Variants in KPNA6 observed in about 807,000 individuals in gnomAD.
The protein encoded by KPNA6 is karyopherin subunit alpha 6, also known as importin subunit alpha-7.
In KPNA6, 9 loss-of-function variants were observed where a neutral mutation model predicts 72.0. The observed-to-expected ratio is 0.13, with a 90% CI of 0.08 to 0.22. The LOEUF is 0.22. Ranked by LOEUF, KPNA6 falls within the 10% of genes least tolerant of loss-of-function variation. The pLI, the probability that KPNA6 is intolerant of heterozygous loss-of-function variation, is 1.00. For missense variants in KPNA6, 374 were observed against 655.7 expected, an observed-to-expected ratio of 0.57 and a Z score of 4.69; for synonymous variants, 219 against 242.1, an observed-to-expected ratio of 0.90 and a Z score of 0.89.
intron 1 of KPNA6, among the ~76,000 whole-genome samples, chr1:32,136,057 T>TAGTAG (rs771592217): frequency 3.3e-5 from 5 of 152,294 alleles, no homozygotes; most frequent in Non-Finnish European, 7.3e-5. Context: ...GGCTCCAAAC[T>TAGTAG]AGTAGTCTGT....
At chr1:32,156,318 G>A (rs1253880831) in intron 2 of KPNA6, among the ~76,000 whole-genome samples, 3 of 151,406 alleles carry the variant, frequency 2.0e-5, no homozygotes, top group Non-Finnish European at 4.4e-5. Context: ...CATATACTAT[G>A]TTTTTTTTCA....
chr1:32,137,290 C>T (rs1641751534), intron 1 of KPNA6, among the ~76,000 whole-genome samples: 1 of 152,176 alleles, frequency 6.6e-6, no homozygotes, highest in Non-Finnish European at 1.5e-5. Flanking sequence ...CCTCCGAGCT[C>T]AGCCTCCCGA....
Position 32,167,304 on chromosome 1 carries a change from A to C in KPNA6, c.1244+8A>C. 1.2e-6 allele frequency: 2 copies of C among 1,613,888 alleles called. No homozygotes were observed. The highest frequency in any genetic ancestry group is 1.7e-6 in the Non-Finnish European group (2 of 1,179,874). On this transcript the variant is annotated splice_region_variant and intron_variant, in intron 12 of 13. Coordinates refer to ENST00000373625, the MANE Select transcript of KPNA6 (RefSeq NM_012316.5). ...AACCCCTGAGCAGATCAGGTATTAC[A>C]TTCCTTTCCCGTTGTCTTGAATGAT...
At chr1:32,160,975 G>A (rs1642227444) in intron 7 of KPNA6, among the ~76,000 whole-genome samples, 1 of 152,146 alleles carries the variant, frequency 6.6e-6, no homozygotes, top group Non-Finnish European at 1.5e-5. Flanking sequence ...GGGCAACATG[G>A]TGAAACCCCA....
At chr1:32,157,814 T>C (rs898934440) in intron 4 of KPNA6, among the ~76,000 whole-genome samples, 5 of 152,226 alleles carry the variant, frequency 3.3e-5, no homozygotes, top group African/African-American at 1.2e-4. Context: ...CTTTTGTTTT[T>C]GTTCCCTCCT....
chr1:32,174,203 ACCCTTGGTGTTG>A lies in KPNA6; in HGVS notation c.*3311_*3322del, dbSNP rs1326162495. ...CAGGTGTTGGCCTCAGTTTTCAGGG[ACCCTTGGTGTTG>A]CTCCTTACCTAGAGCCCATTAATCT... is the stretch of plus-strand genomic sequence containing the variant. On this transcript the variant is annotated 3_prime_UTR_variant, in exon 14 of 14. Transcript: ENST00000373625. 6.6e-6 allele frequency: 1 copy of A among 151,910 alleles called. No individual in the cohort carries two copies. Among genetic ancestry groups the A allele is most frequent in the Non-Finnish European group, 1.5e-5 (1 of 68,018 alleles). 9.4% of individuals were successfully genotyped at this position (151,910 alleles called of 1,614,324 possible).
intron 1 of KPNA6, among the ~76,000 whole-genome samples, chr1:32,119,014 A>ATTTTTTTT (rs1557457065): frequency 1.5e-5 from 1 of 67,628 alleles, no homozygotes; most frequent in Non-Finnish European, 2.5e-5. Context: ...ATATATATAT[A>ATTTTTTTT]TATATATATA....
chr1:32,119,032 A>ATAT (rs1167325052), intron 1 of KPNA6, among the ~76,000 whole-genome samples: 44 of 40,278 alleles, frequency 1.1e-3, no homozygotes, highest in African/African-American at 2.2e-3. Flanking sequence ...ATATATATAT[A>ATAT]TTTTTTTTTT....
intron 1 of KPNA6, among the ~76,000 whole-genome samples, chr1:32,133,313 C>T (rs1286884500): frequency 3.3e-5 from 5 of 151,618 alleles, no homozygotes; most frequent in African/African-American, 1.2e-4. Context: ...CACTGCACTG[C>T]AGCCTCGGTG....
At chr1:32,160,299 CAAAAA>C (rs535456428) in intron 6 of KPNA6, among the ~76,000 whole-genome samples, 4 of 77,366 alleles carry the variant, frequency 5.2e-5, no homozygotes, top group Admixed American at 3.8e-4. Context: ...GACTCCGTCT[CAAAAA>C]AAAAAAAAAA....
chr1:32,146,116 A>G (rs1293600330), intron 1 of KPNA6, among the ~76,000 whole-genome samples: 1 of 152,148 alleles, frequency 6.6e-6, no homozygotes, highest in Admixed American at 6.6e-5. Context: ...TCTTAGGTCT[A>G]CTTTATAATT....
At chr1:32,120,452 T>C (rs1046037096) in intron 1 of KPNA6, among the ~76,000 whole-genome samples, 1 of 151,610 alleles carries the variant, frequency 6.6e-6, no homozygotes, top group African/African-American at 2.4e-5. Context: ...TTCACCATGT[T>C]GGCCAGGCTG....
Position 32,166,152 on chromosome 1 carries a change from C to T in KPNA6, c.1038C>T (p.Ser346=). 2 of 1,614,042 alleles carry T rather than the reference C, an allele frequency of 1.2e-6. No homozygotes were observed. Among genetic ancestry groups the T allele is most frequent in the Non-Finnish European group, 1.7e-6 (2 of 1,179,938 alleles). Residue 346 remains serine, a synonymous_variant, in exon 11 of 14, where the codon AGC becomes AGT. Coordinates refer to ENST00000373625, the MANE Select transcript of KPNA6 (RefSeq NM_012316.5). ...SALPCLLHLL[S]SPKESIRKEA... is the part of the protein sequence containing the mutation. ...TACCTTGCCTTCTCCACTTGTTGAG[C>T]AGTCCCAAGGAGTCAATCCGGAAGG...
chr1:32,117,168 GTTTTTTTTTGTT>G (rs1342258274), intron 1 of KPNA6, among the ~76,000 whole-genome samples: 1 of 148,218 alleles, frequency 6.7e-6, no homozygotes, highest in Non-Finnish European at 1.5e-5. Context: ...CCTTCAATTT[GTTTTTTTTTGTT>G]TTTTTTTTTT....
At chr1:32,161,086 A>G (rs1287329202) in intron 7 of KPNA6, among the ~76,000 whole-genome samples, 1 of 152,008 alleles carries the variant, frequency 6.6e-6, no homozygotes, top group Admixed American at 6.6e-5. Flanking sequence ...GAGCCCAGGG[A>G]GATCAAGGCT....
At position 32,110,053 on chromosome 1, in the gene KPNA6, T is replaced by A. The variant is rs1396120092; in HGVS notation, c.4+1919T>A. On this transcript the variant is annotated intron_variant, in intron 1 of 13. Coordinates refer to ENST00000373625, the MANE Select transcript of KPNA6 (RefSeq NM_012316.5). Reference sequence around the variant, plus strand: ...GGCAAGCAAAATGAGAATCTGGAATTGAATTTTTTTTTTTTTTTTTTTTTT... The same window carrying A: ...GGCAAGCAAAATGAGAATCTGGAATAGAATTTTTTTTTTTTTTTTTTTTTT... 2.7e-5 allele frequency among the ~76,000 whole-genome samples: 4 copies of A among 146,556 alleles called. No homozygotes were observed. The East Asian group carries it at 8.3e-4, about 31-fold the overall frequency.
intron 1 of KPNA6, among the ~76,000 whole-genome samples, chr1:32,144,682 G>A (rs1641900201): frequency 6.6e-6 from 1 of 151,586 alleles, no homozygotes; most frequent in Non-Finnish European, 1.5e-5. Context: ...ATGGAGTCTC[G>A]CTCTGTCGCC....
intron 12 of KPNA6, among the ~76,000 whole-genome samples, chr1:32,167,853 C>CA (rs376077938): frequency 0.065 from 5,199 of 79,658 alleles, 253 homozygotes; most frequent in African/African-American, 0.17. Context: ...GAGTCTGTCA[C>CA]AAAAAAAAAA....
rs1642452468 is a variant in KPNA6, at chr1:32,172,270, C to T, written c.*1376C>T. The T allele has an allele frequency of 6.6e-6, 1 of 152,090 alleles. No individual in the cohort carries two copies. The highest frequency in any genetic ancestry group is 1.5e-5 in the Non-Finnish European group (1 of 68,044). The allele number at this position is 152,090 out of a possible 1,614,324, so 9.4% of individuals were successfully genotyped here. A position where few individuals can be genotyped will look rare whatever the true frequency, so the allele number is the denominator to read the frequency against. ...CTTCAGCTCTGGAACCTTCATAAAG[C>T]AGGTCAGCGTGGCCTGATTGTCCCA... On this transcript the variant is annotated 3_prime_UTR_variant, in exon 14 of 14. Coordinates refer to ENST00000373625, the MANE Select transcript of KPNA6 (RefSeq NM_012316.5).
Sources: gnomAD v4.1 joint callset for allele counts (sites outside exome capture counted in the v4.1 genomes callset) on GRCh38, gnomAD v4.1.1 for gene constraint, MANE v1.5 for transcripts, NCBI Gene and HGNC (gene_info 2026-07-23, HGNC 2026-07-21) for gene names.